The following SNRPN variants were observed in gnomAD, a reference collection of about 807,000 sequenced individuals.
The protein encoded by SNRPN is small nuclear ribonucleoprotein-associated protein N.
In SNRPN, 7 loss-of-function variants were observed where a neutral mutation model predicts 25.2. The ratio of observed to expected loss-of-function variants is 0.28; its 90% CI spans 0.16 to 0.52. The LOEUF (loss-of-function observed/expected upper bound fraction) is 0.52. SNRPN is among the 20% of genes least tolerant of loss of function. SNRPN has a pLI of 0.96. For missense variants in SNRPN, 196 were observed against 322.5 expected, an observed-to-expected ratio of 0.61 and a Z score of 3.00; for synonymous variants, 124 against 110.6, an observed-to-expected ratio of 1.12 and a Z score of -0.76.
chr15:24,863,570 A>C (rs1283204487), intron 1 of SNRPN, among the ~76,000 whole-genome samples: 1 of 150,516 alleles, frequency 6.6e-6, no homozygotes, highest in Non-Finnish European at 1.5e-5. Flanking sequence ...TTTCTACCAC[A>C]TGTACCCTTT....
rs1338930486 is a variant in SNRPN, at chr15:24,978,094, A to C, written c.560-99A>C. On this transcript the variant is annotated intron_variant, in intron 8 of 9. Coordinates refer to ENST00000390687, the MANE Select transcript of SNRPN (RefSeq NM_003097.6). ...CATATAGAAGTTATTTGACTCTATC[A>C]TTGTTGTCTGGCCCATTTCTTTAGG... 3.0e-6 allele frequency: 4 copies of C among 1,321,306 alleles called. No individual in the cohort carries two copies. The South Asian group carries it at 5.2e-5, about 17-fold the overall frequency. The allele number at this position is 1,321,306 out of a possible 1,614,324, so 81.8% of individuals were successfully genotyped here.
chr15:24,936,064 G>A (rs947834725), intron 3 of SNRPN, among the ~76,000 whole-genome samples: 2 of 151,518 alleles, frequency 1.3e-5, no homozygotes, highest in African/African-American at 4.9e-5. Flanking sequence ...GTGGTAAGCC[G>A]AGATCATGCC....
chr15:24,879,216 C>G (rs1595648007), intron 1 of SNRPN, among the ~76,000 whole-genome samples: 1 of 152,062 alleles, frequency 6.6e-6, no homozygotes, highest in African/African-American at 2.4e-5. Context: ...AGGCAGATTG[C>G]CTGAGCTCGG....
chr15:24,829,328 A>T (rs2050328121), intron 1 of SNRPN, among the ~76,000 whole-genome samples: 1 of 152,060 alleles, frequency 6.6e-6, no homozygotes, highest in Admixed American at 6.5e-5. Context: ...GGCCTCCAGG[A>T]GGAGGAGCTT....
In SNRPN at chr15:24,968,066, T is replaced by A. The variant is rs2075907412; in HGVS notation, c.-160T>A. On this transcript the variant is annotated 5_prime_UTR_variant, in exon 3 of 10. Transcript: ENST00000390687. ...CATATTGGAGTAGCGAGGAATCTGA[T>A]TCCAAGCAAAAACCAGGTTAGAGCT... 1 of 1,599,592 alleles carries A rather than the reference T, an allele frequency of 6.3e-7. No individual in the cohort carries two copies. The highest frequency in any genetic ancestry group is 1.3e-5 in the African/African-American group (1 of 74,592).
intron 3 of SNRPN, among the ~76,000 whole-genome samples, chr15:24,925,886 A>C (rs993507288): frequency 4.6e-5 from 7 of 151,948 alleles, no homozygotes; most frequent in Admixed American, 1.3e-4. Flanking sequence ...TAGCGCCCGC[A>C]ACCACACCCG....
chr15:24,918,370 A>ATATATATAACATAATATATATGTG (rs1566908543), intron 2 of SNRPN, among the ~76,000 whole-genome samples: 3 of 124,418 alleles, frequency 2.4e-5, no homozygotes, highest in African/African-American at 9.0e-5. Context: ...ATATATGTGT[A>ATATATATAACATAATATATATGTG]TATATATAAC....
chr15:24,936,395 C>T (rs532938742), intron 3 of SNRPN, among the ~76,000 whole-genome samples: 2 of 152,134 alleles, frequency 1.3e-5, no homozygotes, highest in South Asian at 4.2e-4. Flanking sequence ...GTGTTGGAAA[C>T]CAGAATTTTG....
chr15:24,939,644 G>A (rs574436439), intron 3 of SNRPN, among the ~76,000 whole-genome samples: 5 of 152,142 alleles, frequency 3.3e-5, no homozygotes, highest in Admixed American at 6.5e-5. Context: ...TGTTAACCAC[G>A]CTGGTCTCGA....
intron 3 of SNRPN, among the ~76,000 whole-genome samples, chr15:24,928,984 C>T (rs1417542939): frequency 2.0e-5 from 3 of 152,062 alleles, no homozygotes; most frequent in Admixed American, 6.6e-5. Flanking sequence ...TCTCTCTTGT[C>T]CCCACTATTA....
chr15:24,874,304 T>C (rs2055608256), intron 1 of SNRPN, among the ~76,000 whole-genome samples: 3 of 94,688 alleles, frequency 3.2e-5, no homozygotes, highest in African/African-American at 4.8e-5. Flanking sequence ...AGTGAGACTC[T>C]GTCTCAAAAA....
At chr15:24,853,968 CAT>C (rs1274726096), upstream of SNRPN, among the ~76,000 whole-genome samples, 2 of 152,188 alleles carry the variant, frequency 1.3e-5, no homozygotes, top group East Asian at 1.9e-4. Context: ...AATCCTTCAA[CAT>C]GTGAAATGTG....
At chr15:24,826,135 C>T (rs1007208826) in intron 1 of SNRPN, among the ~76,000 whole-genome samples, 26 of 152,156 alleles carry the variant, frequency 1.7e-4, no homozygotes, top group African/African-American at 6.3e-4. Context: ...CTCGATGTGT[C>T]CTTCCCTTTT....
In SNRPN at chr15:24,881,726, C is replaced by G. The variant is rs576524176; in HGVS notation, c.-578-4790C>G. ...AATCGAAGAACCGTGGAAATATTAACAATTACATAAAGTGCATCTAGATTT... is the reference window on the plus strand; with the variant it reads ...AATCGAAGAACCGTGGAAATATTAAGAATTACATAAAGTGCATCTAGATTT... On this transcript the variant is annotated intron_variant, in intron 1 of 11. Coordinates refer to the SNRPN transcript ENST00000400097. Among the ~76,000 whole-genome samples the G allele has an allele frequency of 2.0e-5, 3 of 152,102 alleles. No homozygotes were observed. The East Asian group carries it at 5.8e-4, about 29-fold the overall frequency.
intron 1 of SNRPN, among the ~76,000 whole-genome samples, chr15:24,825,060 T>C (rs2049982432): frequency 6.6e-6 from 1 of 152,036 alleles, no homozygotes; most frequent in Non-Finnish European, 1.5e-5. Context: ...TTAAGATACA[T>C]GAGATGTGAA....
chr15:24,975,013 ACAGTACAGAGAAAAG>A, intron 4 of SNRPN: 1 of 702,486 alleles, frequency 1.4e-6, no homozygotes, highest in Non-Finnish European at 2.6e-6. Flanking sequence ...TTTGGCATTA[ACAGTACAGAGAAAAG>A]CAGTCTGGAG....
intron 2 of SNRPN, among the ~76,000 whole-genome samples, chr15:24,834,911 G>A (rs1335082951): frequency 8.4e-6 from 1 of 118,666 alleles, no homozygotes; most frequent in Non-Finnish European, 1.7e-5. Context: ...GCAACAGAGC[G>A]AGACTCCATC....
intron 2 of SNRPN, among the ~76,000 whole-genome samples, chr15:24,915,505 G>T (rs2059457117): frequency 6.6e-6 from 1 of 152,148 alleles, no homozygotes. Flanking sequence ...TGGAGGAGAA[G>T]CCTGAGTAAA....
upstream of SNRPN, chr15:24,954,941 A>G: frequency 6.6e-7 from 1 of 1,514,698 alleles, no homozygotes; most frequent in Non-Finnish European, 9.1e-7. Flanking sequence ...GCGCATGCTC[A>G]GGCGGGGATG....
Sources: allele counts gnomAD v4.1 joint callset (sites outside exome capture counted in the v4.1 genomes callset), GRCh38; gene constraint gnomAD v4.1.1; transcripts MANE v1.5; gene names NCBI Gene and HGNC (gene_info 2026-07-23, HGNC 2026-07-21).